SCHIP1: variants seen among roughly 807,000 people sequenced by gnomAD.
The protein encoded by SCHIP1 is schwannomin interacting protein 1.
In SCHIP1, 8 loss-of-function variants were observed where a neutral mutation model predicts 29.7. The observed-to-expected ratio is 0.27, with a 90% CI of 0.16 to 0.49. The LOEUF (loss-of-function observed/expected upper bound fraction) is 0.49, where lower values mean the gene tolerates loss of function less well. Ranked by LOEUF, SCHIP1 falls within the 20% of genes least tolerant of loss-of-function variation. The pLI, the probability that SCHIP1 is intolerant of heterozygous loss-of-function variation, is 0.99. For missense variants in SCHIP1, 193 were observed against 294.6 expected (o/e 0.66, Z 2.52); for synonymous variants, 76 against 94.9 (o/e 0.80, Z 1.16).
the SCHIP1 span, among the ~76,000 whole-genome samples, chr3:159,527,394 T>A: frequency 1.1e-4 from 17 of 152,278 alleles, no homozygotes; most frequent in Non-Finnish European, 2.5e-4. Flanking sequence ...GCTTTATATA[T>A]CCAGAGCTAA....
the SCHIP1 span, among the ~76,000 whole-genome samples, chr3:159,569,303 G>A: frequency 1.3e-5 from 2 of 152,080 alleles, no homozygotes; most frequent in Admixed American, 6.6e-5. Context: ...GTCTCCTAAT[G>A]CTATTCCTCC....
the SCHIP1 span, among the ~76,000 whole-genome samples, chr3:159,525,198 G>C: frequency 6.6e-6 from 1 of 152,154 alleles, no homozygotes; most frequent in Non-Finnish European, 1.5e-5. Flanking sequence ...AGTAATACCA[G>C]TTGTTCCAAT....
the SCHIP1 span, among the ~76,000 whole-genome samples, chr3:159,388,948 A>G: frequency 6.6e-6 from 1 of 152,138 alleles, no homozygotes; most frequent in South Asian, 2.1e-4. Context: ...TTATTAAAGC[A>G]TTAGAAAATA....
the SCHIP1 span, among the ~76,000 whole-genome samples, chr3:159,447,427 A>G: frequency 6.6e-6 from 1 of 152,158 alleles, no homozygotes; most frequent in Admixed American, 6.5e-5. Context: ...GGGGAACTAG[A>G]GAGTAAAAAG....
the SCHIP1 span, among the ~76,000 whole-genome samples, chr3:159,444,891 G>T: frequency 6.6e-6 from 1 of 152,200 alleles, no homozygotes; most frequent in Admixed American, 6.6e-5. Flanking sequence ...CTGATGTTGA[G>T]GGAGTGAAGG....
the SCHIP1 span, among the ~76,000 whole-genome samples, chr3:159,491,320 G>A: frequency 1.3e-5 from 2 of 152,372 alleles, no homozygotes; most frequent in South Asian, 2.1e-4. Flanking sequence ...GCCTCACCCA[G>A]GAAGCACAAG....
At chr3:159,437,198 T>A in the SCHIP1 span, among the ~76,000 whole-genome samples, 5 of 152,118 alleles carry the variant, frequency 3.3e-5, no homozygotes, top group Non-Finnish European at 5.9e-5. Context: ...CTGTGATACC[T>A]GCTAGCTGCC....
At chr3:159,354,793 T>C in the SCHIP1 span, among the ~76,000 whole-genome samples, 1 of 152,134 alleles carries the variant, frequency 6.6e-6, no homozygotes, top group Non-Finnish European at 1.5e-5. Flanking sequence ...GAAAGAAACA[T>C]AGCATTTGTT....
At chr3:159,627,193 C>T in the SCHIP1 span, among the ~76,000 whole-genome samples, 4 of 152,086 alleles carry the variant, frequency 2.6e-5, no homozygotes, top group Non-Finnish European at 4.4e-5. Flanking sequence ...TCCATGTCCC[C>T]GCAAAGACTG....
chr3:159,690,232 T>G, the SCHIP1 span, among the ~76,000 whole-genome samples: 1 of 152,176 alleles, frequency 6.6e-6, no homozygotes, highest in Non-Finnish European at 1.5e-5. Flanking sequence ...GTCCTGGACT[T>G]TTTTGGTTGG....
At chr3:159,628,620 T>C in the SCHIP1 span, among the ~76,000 whole-genome samples, 1 of 152,202 alleles carries the variant, frequency 6.6e-6, no homozygotes, top group South Asian at 2.1e-4. Context: ...AATACAAGAA[T>C]TGAAAGTAAA....
chr3:159,514,479 T>G, the SCHIP1 span, among the ~76,000 whole-genome samples: 1 of 152,186 alleles, frequency 6.6e-6, no homozygotes, highest in African/African-American at 2.4e-5. Flanking sequence ...ATGAACACAG[T>G]CAACATGGCT....
the SCHIP1 span, among the ~76,000 whole-genome samples, chr3:159,732,686 A>T: frequency 1.3e-5 from 2 of 152,196 alleles, no homozygotes; most frequent in African/African-American, 4.8e-5. Flanking sequence ...GGGGAAACAA[A>T]TTCAGCTGGG....
chr3:159,529,239 A>G, the SCHIP1 span, among the ~76,000 whole-genome samples: 2 of 152,248 alleles, frequency 1.3e-5, no homozygotes, highest in African/African-American at 4.8e-5. Flanking sequence ...CCTTCACTGC[A>G]TATATGCTAG....
chr3:159,508,644 T>A, the SCHIP1 span, among the ~76,000 whole-genome samples: 5 of 152,252 alleles, frequency 3.3e-5, no homozygotes, highest in African/African-American at 1.2e-4. Context: ...TCTAAATATG[T>A]TCCAGAGATT....
intron 2 of SCHIP1, among the ~76,000 whole-genome samples, chr3:159,869,847 C>T (rs1715058950): frequency 6.6e-6 from 1 of 151,784 alleles, no homozygotes. Context: ...TCTGTCTCCC[C>T]CTTATTTAGA....
chr3:159,298,418 C>T, the SCHIP1 span, among the ~76,000 whole-genome samples: 1 of 152,180 alleles, frequency 6.6e-6, no homozygotes, highest in Non-Finnish European at 1.5e-5. Context: ...GTGTCACCTA[C>T]AGGCTCCCCA....
the SCHIP1 span, among the ~76,000 whole-genome samples, chr3:159,439,192 GTGAGATGGTA>G: frequency 1.3e-5 from 2 of 152,132 alleles, no homozygotes; most frequent in African/African-American, 4.8e-5. Context: ...TCTGACTGGT[GTGAGATGGTA>G]TCTGTATTAG....
the SCHIP1 span, among the ~76,000 whole-genome samples, chr3:159,453,201 C>G: frequency 1.3e-5 from 2 of 152,194 alleles, no homozygotes; most frequent in African/African-American, 4.8e-5. Flanking sequence ...AAAAGTAGCA[C>G]CCTCATGGCC....
Sources: allele counts gnomAD v4.1 joint callset (sites outside exome capture counted in the v4.1 genomes callset), GRCh38; gene constraint gnomAD v4.1.1; transcripts MANE v1.5; gene names NCBI Gene and HGNC (gene_info 2026-07-23, HGNC 2026-07-21).